The following CD163L1 variants were observed in gnomAD, a reference collection of about 807,000 sequenced individuals.
CD163L1 encodes scavenger receptor cysteine-rich type 1 protein M160.
A neutral mutation model predicts 165.4 loss-of-function variants in CD163L1; 124 were observed. The observed-to-expected ratio is 0.75, with a 90% CI of 0.65 to 0.87. CD163L1 has a LOEUF of 0.87. Ranked by LOEUF, CD163L1 falls within the 40% of genes least tolerant of loss-of-function variation. The pLI is 0.00. For missense variants in CD163L1, 1,525 were observed against 1,799.9 expected, an observed-to-expected ratio of 0.85 and a Z score of 2.76; for synonymous variants, 585 against 662.2, an observed-to-expected ratio of 0.88 and a Z score of 1.79.
intron 8 of CD163L1, among the ~76,000 whole-genome samples, chr12:7,392,982 C>A (rs1947689471): frequency 6.6e-6 from 1 of 152,094 alleles, no homozygotes. Context: ...GAGCCGAATT[C>A]TACCAGAGGT....
chr12:7,358,116 A>G (rs948401850), intron 18 of CD163L1, among the ~76,000 whole-genome samples: 1 of 152,152 alleles, frequency 6.6e-6, no homozygotes, highest in African/African-American at 2.4e-5. Flanking sequence ...GCAAACCACT[A>G]CCACCAAAAT....
intron 4 of CD163L1, among the ~76,000 whole-genome samples, chr12:7,410,604 CA>C (rs140470376): frequency 0.14 from 14,918 of 109,078 alleles, 1,383 homozygotes; most frequent in African/African-American, 0.3. Context: ...AGTCCATATC[CA>C]AAAAAAAAAA....
chr12:7,378,926 A>G (rs941904930), intron 9 of CD163L1, 52 bp downstream of exon 9: 1 of 1,511,304 alleles, frequency 6.6e-7, no homozygotes, highest in Admixed American at 2.0e-5. Flanking sequence ...GTATTAAATA[A>G]GTGCAAAAAT....
rs375858210 is a variant in CD163L1, at chr12:7,432,443, T to C, written c.739A>G (p.Asn247Asp). The change falls in exon 4 of 20, where the codon AAT becomes GAT. Residue 247 changes from asparagine (N) to aspartate (D), a missense_variant. Coordinates refer to ENST00000313599, the MANE Select transcript of CD163L1 (RefSeq NM_174941.6). This position sits in a 1 kb window ranked among gnomAD's most constrained non-coding sequence, Gnocchi z 4.2. ...RGWGNHDCSHNEDVTLTCYDS... is the reference protein window; with the variant it reads ...RGWGNHDCSHDEDVTLTCYDS... ...TAACAAGTTAATGTGACATCCTCAT[T>C]GTGACTGCAGTCATGATTTCCCCAT... 42 of 1,613,546 alleles carry C rather than the reference T, an allele frequency of 2.6e-5. No homozygotes were observed. The highest frequency in any genetic ancestry group is 3.3e-5 in the Admixed American group (2 of 59,990).
intron 8 of CD163L1, among the ~76,000 whole-genome samples, 153 bp from the exon 9 acceptor site, chr12:7,379,451 TTTCC>T (rs1158859694): frequency 6.6e-6 from 1 of 152,222 alleles, no homozygotes; most frequent in Middle Eastern, 3.2e-3. Context: ...TATTTTTTAC[TTTCC>T]TTCAAACTTA....
At chr12:7,346,180 T>C (rs1016374786), downstream of CD163L1, among the ~76,000 whole-genome samples, 1 of 151,574 alleles carries the variant, frequency 6.6e-6, no homozygotes, top group Non-Finnish European at 1.5e-5. Flanking sequence ...TGGGTTTCCT[T>C]GGGGTGTGTA....
the CD163L1 span, among the ~76,000 whole-genome samples, chr12:7,333,140 C>T: frequency 6.6e-6 from 1 of 152,124 alleles, no homozygotes; most frequent in Non-Finnish European, 1.5e-5. Flanking sequence ...CCAAGCGGAC[C>T]TAATAGACAT....
Position 7,406,763 on chromosome 12 carries a change from C to T in CD163L1, c.856G>A (p.Val286Ile), listed in dbSNP as rs77463173. 9,289 of 1,613,990 alleles carry T rather than the reference C, an allele frequency of 5.8e-3. 41 individuals carry two copies. Among genetic ancestry groups the T allele is most frequent in the Non-Finnish European group, 6.7e-3 (7,852 of 1,179,946 alleles). ...ELKIQGRWGT[V>I]CHHKWNNAAA... ...GCATTGTTCCACTTATGGTGGCATA[C>T]GGTCCCCCACCTTCCTTGGATTTTC... Residue 286 changes from valine (V) to isoleucine (I), a missense_variant, in exon 5 of 20, where the codon GTA (valine) becomes ATA (isoleucine). Val to Ile is a conservative substitution (Grantham distance 29). Coordinates refer to ENST00000313599, the MANE Select transcript of CD163L1 (RefSeq NM_174941.6).
intron 4 of CD163L1, among the ~76,000 whole-genome samples, chr12:7,421,111 GGAAGAAAATGTA>G (rs1565809109): frequency 5.3e-3 from 428 of 81,288 alleles, no homozygotes; most frequent in Middle Eastern, 0.015. Context: ...ATATACATTT[GGAAGAAAATGTA>G]TATATACGTA....
the CD163L1 span, chr12:7,320,766 C>T: frequency 4.3e-6 from 7 of 1,613,750 alleles, no homozygotes; most frequent in Admixed American, 1.7e-5. Context: ...GCAGTCCTCC[C>T]ACTGTGTACC....
chr12:7,363,471 A>G (rs1946949058), intron 18 of CD163L1, among the ~76,000 whole-genome samples: 1 of 152,104 alleles, frequency 6.6e-6, no homozygotes. Context: ...AAATCTACAA[A>G]GGAGCAACAA....
In CD163L1 at chr12:7,388,532, C is replaced by T. The variant is rs747501247; in HGVS notation, c.2050+7563G>A. On this transcript the variant is annotated intron_variant, in intron 8 of 19. Transcript: ENST00000313599. ...CCAAGGAGGGCAGATCACTTGAGCC[C>T]GGGAGATTGAGACCAGCCTGGGCAA... Among the ~76,000 whole-genome samples the T allele has an allele frequency of 5.3e-5, 8 of 152,118 alleles. No individual in the cohort carries two copies. The East Asian group carries it at 9.7e-4, about 18-fold the overall frequency.
At chr12:7,438,391 G>C (rs1948768181) in intron 2 of CD163L1, among the ~76,000 whole-genome samples, 1 of 151,966 alleles carries the variant, frequency 6.6e-6, no homozygotes, top group African/African-American at 2.4e-5. Context: ...TAAAATACTG[G>C]TTAATGTAGT....
intron 8 of CD163L1, among the ~76,000 whole-genome samples, chr12:7,394,053 C>T (rs771145665): frequency 1.9e-4 from 28 of 150,240 alleles, no homozygotes; most frequent in African/African-American, 5.1e-4. Context: ...CTTTCTTCAC[C>T]GAATTGGAAA....
downstream of CD163L1, among the ~76,000 whole-genome samples, chr12:7,352,237 G>A (rs1431980532): frequency 6.6e-6 from 1 of 151,946 alleles, no homozygotes; most frequent in African/African-American, 2.4e-5. Context: ...TCTGGAAACT[G>A]ACCAAAGGCA....
rs2136407236 is a variant in CD163L1 at position 7,368,486 on chromosome 12, C to A, written c.4073-289G>T. ...TTGCATTGCATTCACTACTAAAACACCAGAATCAGAAAATACTAGGGCTTG... is the reference window on the plus strand; with the variant it reads ...TTGCATTGCATTCACTACTAAAACAACAGAATCAGAAAATACTAGGGCTTG... On this transcript the variant is annotated intron_variant, in intron 16 of 19. Transcript: ENST00000313599. The surrounding 1 kb of genome is among the most constrained non-coding windows in gnomAD (Gnocchi z 4.3). Among the ~76,000 whole-genome samples the A allele has an allele frequency of 6.6e-6, 1 of 151,896 alleles. No individual in the cohort carries two copies. The highest frequency in any genetic ancestry group is 1.9e-4 in the East Asian group (1 of 5,184).
chr12:7,440,165 T>C (rs1420537120), intron 2 of CD163L1, among the ~76,000 whole-genome samples: 1 of 152,250 alleles, frequency 6.6e-6, no homozygotes, highest in Non-Finnish European at 1.5e-5. Flanking sequence ...CCGCCTGCTC[T>C]TGGCTCCGGG....
chr12:7,439,913 C>A (rs1948794200), intron 2 of CD163L1: 1 of 1,599,934 alleles, frequency 6.3e-7, no homozygotes, highest in Non-Finnish European at 8.5e-7. Context: ...TCTTCGACTT[C>A]GGCCAACTCC....
At chr12:7,328,577 T>A in the CD163L1 span, 1 of 339,546 alleles carries the variant, frequency 2.9e-6, no homozygotes, top group South Asian at 3.3e-5. Context: ...ATTGTTATAA[T>A]GACCAAACTG....
Sources: allele counts gnomAD v4.1 joint callset (sites outside exome capture counted in the v4.1 genomes callset), GRCh38; gene constraint gnomAD v4.1.1; non-coding constraint Gnocchi (gnomAD v3.1); transcripts MANE v1.5; gene names NCBI Gene and HGNC (gene_info 2026-07-23, HGNC 2026-07-21).